NMT1: variants seen among roughly 807,000 people sequenced by gnomAD.
The protein encoded by NMT1 is glycylpeptide N-tetradecanoyltransferase 1.
A neutral mutation model predicts 63.4 loss-of-function variants in NMT1; 12 were observed. The ratio of observed to expected loss-of-function variants is 0.19; its 90% confidence interval spans 0.12 to 0.31. The LOEUF (loss-of-function observed/expected upper bound fraction) is 0.31, where lower values mean the gene tolerates loss of function less well. NMT1 is among the 10% of genes least tolerant of loss of function. The pLI, the probability that NMT1 is intolerant of heterozygous loss-of-function variation, is 1.00. For missense variants in NMT1, 432 were observed against 634.6 expected, an observed-to-expected ratio of 0.68 and a Z score of 3.43; for synonymous variants, 228 against 234.3, an observed-to-expected ratio of 0.97 and a Z score of 0.25.
At chr17:45,078,687 T>C (rs1282048820) in intron 1 of NMT1, among the ~76,000 whole-genome samples, 4 of 152,124 alleles carry the variant, frequency 2.6e-5, no homozygotes, top group East Asian at 3.8e-4. Flanking sequence ...TTTGAGACAG[T>C]GTCTGGCTGT....
At chr17:45,092,557 C>G (rs1275706029) in intron 3 of NMT1, among the ~76,000 whole-genome samples, 1 of 150,718 alleles carries the variant, frequency 6.6e-6, no homozygotes, top group East Asian at 1.9e-4. Flanking sequence ...AACAAAACAC[C>G]AAAATTAGCC....
intron 4 of NMT1, among the ~76,000 whole-genome samples, chr17:45,095,166 G>T (rs1283478177): frequency 6.8e-6 from 1 of 147,564 alleles, no homozygotes; most frequent in Non-Finnish European, 1.5e-5. Flanking sequence ...GAGTGCAATG[G>T]CACAATCTTG....
intron 2 of NMT1, among the ~76,000 whole-genome samples, chr17:45,085,556 T>TG (rs1472784723): frequency 6.9e-6 from 1 of 145,142 alleles, no homozygotes; most frequent in Non-Finnish European, 1.5e-5. Context: ...TGAAGACTAT[T>TG]GATCACAAAG....
chr17:45,092,705 C>T (rs113548103), intron 3 of NMT1, among the ~76,000 whole-genome samples: 2 of 36,228 alleles, frequency 5.5e-5, no homozygotes, highest in African/African-American at 3.4e-4. Context: ...ATGAGACTGT[C>T]TCAAAAAAAA....
At chr17:45,095,845 T>G (rs1215648762) in intron 4 of NMT1, among the ~76,000 whole-genome samples, 5 of 152,150 alleles carry the variant, frequency 3.3e-5, no homozygotes, top group African/African-American at 1.2e-4. Context: ...CAGCAGTGAC[T>G]CTCCGTGGTA....
Position 45,107,180 on chromosome 17 carries a change from G to C in NMT1, c.*1541G>C, listed in dbSNP as rs2054207888. On this transcript the variant is annotated 3_prime_UTR_variant, in exon 12 of 12. Transcript: ENST00000258960. ...CACCGAAGCCACTTTCTACAGGCCA[G>C]CAGGGGCTTGTTGCAGGCTGTGGGT... 1 of 152,276 alleles carries C rather than the reference G, an allele frequency of 6.6e-6. No homozygotes were observed. Among genetic ancestry groups the C allele is most frequent in the South Asian group, 2.1e-4 (1 of 4,836 alleles). The allele number at this position is 152,276 out of a possible 1,614,324, so 9.4% of individuals were successfully genotyped here.
At chr17:45,078,043 A>C (rs1395490708) in intron 1 of NMT1, among the ~76,000 whole-genome samples, 1 of 152,130 alleles carries the variant, frequency 6.6e-6, no homozygotes, top group Non-Finnish European at 1.5e-5. Context: ...GCTTGGACTA[A>C]AGGAACCTTC....
intron 1 of NMT1, among the ~76,000 whole-genome samples, chr17:45,078,825 G>A (rs1386633667): frequency 6.6e-6 from 1 of 151,938 alleles, no homozygotes; most frequent in Non-Finnish European, 1.5e-5. Flanking sequence ...ACCACACCTG[G>A]CTAATTTTTG....
intron 1 of NMT1, among the ~76,000 whole-genome samples, chr17:45,072,125 G>A (rs1469722789): frequency 1.3e-5 from 2 of 151,900 alleles, no homozygotes; most frequent in African/African-American, 2.4e-5. Flanking sequence ...GGTGGCGTAC[G>A]CCTGTAGTCC....
At chr17:45,101,722 C>T (rs1171305424) in intron 8 of NMT1, among the ~76,000 whole-genome samples, 1 of 151,882 alleles carries the variant, frequency 6.6e-6, no homozygotes, top group African/African-American at 2.4e-5. Context: ...TGCGTTCCTG[C>T]TGACATGAGG....
At chr17:45,082,578 C>G (rs2143482529) in intron 2 of NMT1, among the ~76,000 whole-genome samples, 1 of 152,190 alleles carries the variant, frequency 6.6e-6, no homozygotes, top group Non-Finnish European at 1.5e-5. Context: ...GGCATGAAAC[C>G]CAGAGATATG....
intron 1 of NMT1, among the ~76,000 whole-genome samples, chr17:45,072,874 A>G (rs7225240): frequency 0.4 from 60,733 of 151,736 alleles, 12,797 homozygotes; most frequent in Non-Finnish European, 0.44. Context: ...TTTTTAATAA[A>G]AAAAGAAAGT....
Position 45,061,700 on chromosome 17 carries a change from C to T in NMT1, c.131+240C>T, listed in dbSNP as rs2053861809. Reference sequence around the variant, plus strand: ...TATATAAAAGTTCTATGCAGTGTTCCACTCGTGTGCTTCAGGCCATTCCTG... The same window carrying T: ...TATATAAAAGTTCTATGCAGTGTTCTACTCGTGTGCTTCAGGCCATTCCTG... On this transcript the variant is annotated intron_variant, in intron 1 of 11. Coordinates refer to ENST00000258960, the MANE Select transcript of NMT1 (RefSeq NM_021079.5). 3 of 428,106 alleles carry T rather than the reference C, an allele frequency of 7.0e-6. No individual in the cohort carries two copies. In the South Asian group the frequency reaches 8.8e-5, roughly 13 times the overall value. The allele number at this position is 428,106 out of a possible 1,614,324, so 26.5% of individuals were successfully genotyped here.
chr17:45,090,112 G>A lies in NMT1; in HGVS notation c.385+3460G>A, dbSNP rs114102679. ...AGCCTGGACAACAGGGAAAGACCTC[G>A]TCTCTACAAAAAAATTTAAAAATTA... On this transcript the variant is annotated intron_variant, in intron 3 of 11. Transcript: ENST00000258960. Among the ~76,000 whole-genome samples the A allele has an allele frequency of 1.7e-3, 255 of 151,638 alleles. 4 individuals carry two copies. The highest frequency in any genetic ancestry group is 5.9e-3 in the African/African-American group (243 of 41,354).
At chr17:45,064,266 C>T (rs6503415) in intron 1 of NMT1, among the ~76,000 whole-genome samples, 77,477 of 151,958 alleles carry the variant, frequency 0.51, 20,194 homozygotes, top group Middle Eastern at 0.59. Context: ...GCAGTGGTGT[C>T]TCTGTGCATG....
chr17:45,108,769 C>A lies in NMT1; in HGVS notation c.*3130C>A, dbSNP rs943266937. 3.3e-5 allele frequency: 5 copies of A among 152,186 alleles called. No homozygotes were observed. The highest frequency in any genetic ancestry group is 5.9e-5 in the Non-Finnish European group (4 of 68,020). 9.4% of individuals were successfully genotyped at this position (152,186 alleles called of 1,614,324 possible). ...CTGCTGCAAAATGAAGGCGGGCCTGCAAGCCGACTACACCTACGGAGGCTG... is the reference window on the plus strand; with the variant it reads ...CTGCTGCAAAATGAAGGCGGGCCTGAAAGCCGACTACACCTACGGAGGCTG... On this transcript the variant is annotated 3_prime_UTR_variant, in exon 12 of 12. Transcript: ENST00000258960.
rs1056331855 is a variant in NMT1, at chr17:45,108,177, C to G, written c.*2538C>G. On this transcript the variant is annotated 3_prime_UTR_variant, in exon 12 of 12. Coordinates refer to ENST00000258960, the MANE Select transcript of NMT1 (RefSeq NM_021079.5). ...GGAAGGCCTCCCTGGGCCTGGCCCC[C>G]ACCCTCTGCCACCCAGTCCTCCCAG... 3 of 152,418 alleles carry G rather than the reference C, an allele frequency of 2.0e-5. No homozygotes were observed. The highest frequency in any genetic ancestry group is 4.4e-5 in the Non-Finnish European group (3 of 68,156). 9.4% of individuals were successfully genotyped at this position (152,418 alleles called of 1,614,324 possible).
At chr17:45,099,377 T>C (rs762690021) in intron 7 of NMT1, 28 bp from the exon 8 acceptor site, 1 of 1,513,096 alleles carries the variant, frequency 6.6e-7, no homozygotes, top group Non-Finnish European at 9.2e-7. Context: ...GCCAGAACCC[T>C]GAGGACAGGA....
At chr17:45,098,863 A>C in intron 7 of NMT1, 1 of 325,950 alleles carries the variant, frequency 3.1e-6, no homozygotes, top group Non-Finnish European at 5.7e-6. Context: ...CCAAATCTGG[A>C]TTTTTATGGG....
Sources: allele counts gnomAD v4.1 joint callset (sites outside exome capture counted in the v4.1 genomes callset), GRCh38; gene constraint gnomAD v4.1.1; transcripts MANE v1.5; gene names NCBI Gene and HGNC (gene_info 2026-07-23, HGNC 2026-07-21).